FLOT1: variants seen among roughly 807,000 people sequenced by gnomAD.
FLOT1 encodes flotillin 1, also known as flotillin-1.
FLOT1 carries 40 observed loss-of-function variants against 58.4 expected under a neutral mutation model. The ratio of observed to expected loss-of-function variants is 0.69; its 90% CI spans 0.53 to 0.89. The LOEUF (loss-of-function observed/expected upper bound fraction) is 0.89, where lower values mean the gene tolerates loss of function less well. FLOT1 is among the 40% of genes least tolerant of loss of function. The pLI is 0.00. For missense variants in FLOT1, 423 were observed against 540.8 expected (o/e 0.78, Z 2.16); for synonymous variants, 178 against 204.2 (o/e 0.87, Z 1.09).
At chr6:30,731,970 ATTTC>A (rs1425639963) in intron 8 of FLOT1, among the ~76,000 whole-genome samples, 10 of 151,660 alleles carry the variant, frequency 6.6e-5, no homozygotes, top group African/African-American at 1.2e-4. Flanking sequence ...ATTTAGGCAG[ATTTC>A]TTTCTTTTTT....
chr6:30,741,890 G>T lies in FLOT1; in HGVS notation c.44-23C>A, dbSNP rs769410313. 4 of 1,607,326 alleles carry T rather than the reference G, an allele frequency of 2.5e-6. No homozygotes were observed. In the Admixed American group the frequency reaches 6.7e-5, roughly 27 times the overall value. The stretch of plus-strand genomic sequence containing the variant: ...ACCCTGCAAGGTGTGGGGCAGTGAG[G>T]AACGGTGGCAGAGCTTGAATGTGGA... On this transcript the variant is annotated intron_variant, in intron 2 of 12. Transcript: ENST00000376389. This position sits in a 1 kb window ranked among gnomAD's most constrained non-coding sequence, Gnocchi z 5.9.
In FLOT1 at chr6:30,730,553, C is replaced by G. The variant is rs1777097617; in HGVS notation, c.964G>C (p.Ala322Pro). The G allele has an allele frequency of 6.2e-7, 1 of 1,611,326 alleles. No homozygotes were observed. The highest frequency in any genetic ancestry group is 8.5e-7 in the Non-Finnish European group (1 of 1,177,992). ...CGGGCCCCTATGGCAAAGGCCTCAG[C>G]TTCCCCACGCATCTGAGGGTTAAGG... is the stretch of plus-strand genomic sequence containing the variant. ...EAASVRMRGEAEAFAIGARAR... is the reference protein window; with the variant it reads ...EAASVRMRGEPEAFAIGARAR... Residue 322 changes from alanine to proline, a missense_variant, in exon 11 of 13, where the codon GCT becomes CCT. Around this residue, in one of 6 missense-constraint regions of FLOT1, gnomAD observed 106 missense variants for 88.4 expected, o/e 1.20. Coordinates refer to ENST00000376389, the MANE Select transcript of FLOT1 (RefSeq NM_005803.4).
chr6:30,732,617 G>A (rs1777280106), intron 8 of FLOT1, among the ~76,000 whole-genome samples: 1 of 152,142 alleles, frequency 6.6e-6, no homozygotes. Context: ...TTCCCAAAGT[G>A]TTGGGGTTAC....
chr6:30,728,176 G>C, intron 12 of FLOT1, 31 bp from the exon 13 acceptor site: 2 of 1,608,160 alleles, frequency 1.2e-6, no homozygotes, highest in South Asian at 2.2e-5. Context: ...GATGACACTT[G>C]GGAACATTCG....
chr6:30,736,544 A>T (rs1777579132), intron 8 of FLOT1: 1 of 150,178 alleles, frequency 6.7e-6, no homozygotes, highest in Non-Finnish European at 1.5e-5. Context: ...GAGAGAGTAA[A>T]ATTAGCTACA....
At position 30,742,239 on chromosome 6, in the gene FLOT1, G is replaced by C; in HGVS notation, c.-14-36C>G. 6.3e-7 allele frequency: 1 copy of C among 1,588,252 alleles called. No homozygotes were observed. The highest frequency in any genetic ancestry group is 8.6e-7 in the Non-Finnish European group (1 of 1,157,438). On this transcript the variant is annotated intron_variant, in intron 1 of 12. Transcript: ENST00000376389. This position sits in a 1 kb window ranked among gnomAD's most constrained non-coding sequence, Gnocchi z 5.2. ...GGGAGGGAAAGCCTTTGCGGATGGG[G>C]AAGGCGCGCTGTGGCGTCCACAGGG... is the stretch of plus-strand genomic sequence containing the variant.
chr6:30,742,469 T>C lies in FLOT1; in HGVS notation c.-15+58A>G. 5.7e-6 allele frequency: 3 copies of C among 521,784 alleles called. No homozygotes were observed. The highest frequency in any genetic ancestry group is 1.0e-5 in the Non-Finnish European group (3 of 292,684). The allele number at this position is 521,784 out of a possible 1,614,324, so 32.3% of individuals were successfully genotyped here. On this transcript the variant is annotated intron_variant, in intron 1 of 12. Transcript: ENST00000376389. This position sits in a 1 kb window ranked among gnomAD's most constrained non-coding sequence, Gnocchi z 5.2. ...CCCGCGCCCAGAGGCCTGCAGACCT[T>C]TCCCCTCTCTCCCTGCTTCTCGGCA...
Position 30,741,824 on chromosome 6 carries a change from GAC to G in FLOT1, c.85_86del (p.Val29LeufsTer24). 1 of 1,613,024 alleles carries G rather than the reference GAC, an allele frequency of 6.2e-7. No individual in the cohort carries two copies. Among genetic ancestry groups the G allele is most frequent in the South Asian group, 1.1e-5 (1 of 91,076 alleles). ...TCTGTTGGATGCAGGGCAGGACAAA[GAC>G]ACGCCCTCCAGCCACCATGACTGGG... ...SPPVMVAGGRVFVLPCIQQIQ... is the reference protein window; with the variant it reads ...SPPVMVAGGRXFVLPCIQQIQ... On this transcript the variant is annotated frameshift_variant, in exon 3 of 13. Coordinates refer to ENST00000376389, the MANE Select transcript of FLOT1 (RefSeq NM_005803.4). LOFTEE classifies it high-confidence loss of function. This position sits in a 1 kb window ranked among gnomAD's most constrained non-coding sequence, Gnocchi z 5.9.
Position 30,730,339 on chromosome 6 carries a change from G to A in FLOT1, c.1089+89C>T, listed in dbSNP as rs17189385. 7.2e-3 allele frequency: 10,790 copies of A among 1,505,256 alleles called. 57 individuals carry two copies. Among genetic ancestry groups the A allele is most frequent in the Admixed American group, 9.9e-3 (505 of 50,996 alleles). 93.2% of individuals were successfully genotyped at this position (1,505,256 alleles called of 1,614,324 possible). ...CACCCCTAATTTAGAGTCCCCCTAG[G>A]CTGTTTCTCCCTAAGCCCCTCACTA... is the stretch of plus-strand genomic sequence containing the variant. On this transcript the variant is annotated intron_variant, in intron 11 of 12. Transcript: ENST00000376389.
In FLOT1 at chr6:30,741,306, TCTC is replaced by T. The variant is rs1562196321; in HGVS notation, c.235_237del (p.Glu79del). 1.2e-6 allele frequency: 2 copies of T among 1,612,964 alleles called. No homozygotes were observed. Among genetic ancestry groups the T allele is most frequent in the Non-Finnish European group, 1.7e-6 (2 of 1,180,018 alleles). The stretch of plus-strand genomic sequence containing the variant: ...AACATCTGACAGGCGGCCGCCAACA[TCTC>T]CTTGTTCTGCCCCTGGATTTTTACC... On this transcript the variant is annotated inframe_deletion, in exon 5 of 13. Coordinates refer to ENST00000376389, the MANE Select transcript of FLOT1 (RefSeq NM_005803.4). The surrounding 1 kb of genome is among the most constrained non-coding windows in gnomAD (Gnocchi z 5.9).
chr6:30,740,820 G>A (rs761010775), intron 5 of FLOT1, 22 bp from the exon 6 acceptor site: 12 of 1,567,920 alleles, frequency 7.7e-6, no homozygotes, highest in Non-Finnish European at 1.0e-5. Context: ...GGATGGTGGG[G>A]AGAAGGGATG....
chr6:30,736,487 C>T (rs1777574285), intron 8 of FLOT1: 1 of 135,252 alleles, frequency 7.4e-6, no homozygotes, highest in African/African-American at 2.8e-5. Context: ...GAGCGAGACT[C>T]CATCTCAAAA....
At chr6:30,729,075 G>C (rs992991258) in intron 12 of FLOT1, among the ~76,000 whole-genome samples, 6 of 145,740 alleles carry the variant, frequency 4.1e-5, no homozygotes, top group African/African-American at 1.3e-4. Flanking sequence ...ACCGCGCCTG[G>C]AATTTTTTTT....
At position 30,731,099 on chromosome 6, in the gene FLOT1, AC is replaced by A. The variant is rs774650723; in HGVS notation, c.724del (p.Val242TrpfsTer56). The A allele has an allele frequency of 6.2e-7, 1 of 1,601,410 alleles. No homozygotes were observed. Among genetic ancestry groups the A allele is most frequent in the Non-Finnish European group, 8.5e-7 (1 of 1,176,188 alleles). On this transcript the variant is annotated frameshift_variant and splice_region_variant, in exon 9 of 13. Transcript: ENST00000376389. LOFTEE classifies it high-confidence loss of function. ...AQADLAYQLQ[V>X]AKTKQQIEEQ... is the part of the protein sequence containing the mutation. Reference sequence around the variant, plus strand: ...CTCAATCTGCTGCTTAGTCTTGGCCACCTGGGTAGGAGGGTGAAGTCAGGTT... The same window carrying A: ...CTCAATCTGCTGCTTAGTCTTGGCCACTGGGTAGGAGGGTGAAGTCAGGTT...
intron 7 of FLOT1, 53 bp from the exon 8 acceptor site, chr6:30,740,363 C>T (rs1396971765): frequency 1.3e-5 from 21 of 1,602,454 alleles, no homozygotes; most frequent in Admixed American, 1.7e-5. Flanking sequence ...AGAAAGGCCA[C>T]GGTGACAGCC....
At position 30,741,170 on chromosome 6, in the gene FLOT1, T is replaced by G; in HGVS notation, c.354+20A>C. 1 of 1,612,340 alleles carries G rather than the reference T, an allele frequency of 6.2e-7. No individual in the cohort carries two copies. The highest frequency in any genetic ancestry group is 2.2e-5 in the East Asian group (1 of 44,880). On this transcript the variant is annotated intron_variant, in intron 5 of 12. Transcript: ENST00000376389. This position sits in a 1 kb window ranked among gnomAD's most constrained non-coding sequence, Gnocchi z 5.9. ...CTCATTTTGACATCCTTCCAGATGG[T>G]TCCCTGCCCCTAGGCCAACCTCCAC...
chr6:30,742,249 T>C lies in FLOT1; in HGVS notation c.-14-46A>G, dbSNP rs1156575942. 1.3e-6 allele frequency: 2 copies of C among 1,541,334 alleles called. No individual in the cohort carries two copies. The highest frequency in any genetic ancestry group is 4.5e-5 in the East Asian group (2 of 44,550). On this transcript the variant is annotated intron_variant, in intron 1 of 12. Transcript: ENST00000376389. The surrounding 1 kb of genome is among the most constrained non-coding windows in gnomAD (Gnocchi z 5.2). ...GCCTTTGCGGATGGGGAAGGCGCGC[T>C]GTGGCGTCCACAGGGGCCCATCCTT... is the stretch of plus-strand genomic sequence containing the variant.
rs773805315 is a variant in FLOT1 at position 30,741,136 on chromosome 6, TG to T, written c.354+53del. On this transcript the variant is annotated intron_variant, in intron 5 of 12. Coordinates refer to ENST00000376389, the MANE Select transcript of FLOT1 (RefSeq NM_005803.4). This position sits in a 1 kb window ranked among gnomAD's most constrained non-coding sequence, Gnocchi z 5.9. Reference sequence around the variant, plus strand: ...GTCTCTCACAGACTAGTGTGGGCCTTGGGCCCCCCTCATTTTGACATCCTTC... The same window carrying T: ...GTCTCTCACAGACTAGTGTGGGCCTTGGCCCCCCTCATTTTGACATCCTTC... 2.1e-5 allele frequency: 33 copies of T among 1,597,900 alleles called. No individual in the cohort carries two copies. The East Asian group carries it at 3.8e-4, about 18-fold the overall frequency.
intron 8 of FLOT1, among the ~76,000 whole-genome samples, chr6:30,732,209 T>G (rs972922800): frequency 6.6e-6 from 1 of 152,106 alleles, no homozygotes; most frequent in East Asian, 1.9e-4. Flanking sequence ...TCTCAAGTGA[T>G]CCATCCGCCT....
Sources: allele counts gnomAD v4.1 joint callset (sites outside exome capture counted in the v4.1 genomes callset), GRCh38; gene constraint gnomAD v4.1.1; regional missense constraint gnomAD v4.1.1; non-coding constraint Gnocchi (gnomAD v3.1); transcripts MANE v1.5; gene names NCBI Gene and HGNC (gene_info 2026-07-23, HGNC 2026-07-21).